Variants in PALS2 observed in about 807,000 individuals in gnomAD.
PALS2 encodes the protein protein associated with LIN7 2, MAGUK p55 family member, also known as protein PALS2.
A neutral mutation model predicts 61.6 loss-of-function variants in PALS2; 27 were observed. The ratio of observed to expected loss-of-function variants is 0.44; its 90% CI spans 0.32 to 0.60. The LOEUF is 0.60. PALS2 is among the 20% of genes least tolerant of loss of function. PALS2 has a pLI of 0.05. For synonymous variants in PALS2, 236 were observed against 218.6 expected (o/e 1.08, Z -0.70); for missense variants, 554 against 639.4 (o/e 0.87, Z 1.44).
intron 3 of PALS2, among the ~76,000 whole-genome samples, chr7:24,648,146 T>C (rs1023759819): frequency 4.6e-5 from 7 of 152,186 alleles, no homozygotes; most frequent in African/African-American, 1.4e-4. Context: ...TTACCAATTA[T>C]CCTGATTGCT....
At chr7:24,576,205 G>T (rs1478160486) in intron 1 of PALS2, among the ~76,000 whole-genome samples, 1 of 152,196 alleles carries the variant, frequency 6.6e-6, no homozygotes, top group African/African-American at 2.4e-5. Context: ...AAGCACAAGA[G>T]ATCTCTTTCC....
At chr7:24,685,920 T>A (rs936524517) in intron 11 of PALS2, among the ~76,000 whole-genome samples, 1 of 152,148 alleles carries the variant, frequency 6.6e-6, no homozygotes, top group African/African-American at 2.4e-5. Flanking sequence ...TGCTAATGAT[T>A]TATATACAGC....
At chr7:24,666,649 G>T (rs1188621210) in intron 8 of PALS2, among the ~76,000 whole-genome samples, 1 of 152,086 alleles carries the variant, frequency 6.6e-6, no homozygotes, top group Non-Finnish European at 1.5e-5. Context: ...GCTTGATCGA[G>T]GTAATCATTC....
chr7:24,613,303 T>C (rs892612515), intron 1 of PALS2, among the ~76,000 whole-genome samples: 9 of 151,758 alleles, frequency 5.9e-5, no homozygotes, highest in African/African-American at 2.2e-4. Context: ...TTTTACTTCT[T>C]TCTTTGATAA....
intron 2 of PALS2, among the ~76,000 whole-genome samples, chr7:24,640,635 C>T (rs1364149676): frequency 6.6e-6 from 1 of 152,154 alleles, no homozygotes; most frequent in Non-Finnish European, 1.5e-5. Context: ...GCAAGGAATG[C>T]TTAAAAGTTG....
chr7:24,650,738 T>G (rs372749754), intron 5 of PALS2, 26 bp downstream of exon 5: 2 of 1,380,084 alleles, frequency 1.4e-6, no homozygotes, highest in African/African-American at 2.9e-5. Context: ...TTTGGTAGTA[T>G]TAAAAATACT....
chr7:24,587,504 A>G lies in PALS2; in HGVS notation c.-3+13911A>G, dbSNP rs142588078. Among the ~76,000 whole-genome samples, 55 of 150,890 alleles carry G rather than the reference A, an allele frequency of 3.6e-4. 1 individual carries two copies. The highest frequency in any genetic ancestry group is 3.5e-3 in the Middle Eastern group (1 of 282). ...GTGATCCTCCCAAGTAGGTGAGACT[A>G]CAGGTCCACACCACTATGCCCAGCT... is the stretch of plus-strand genomic sequence containing the variant. On this transcript the variant is annotated intron_variant, in intron 1 of 11. Transcript: ENST00000222644.
At chr7:24,581,365 A>T (rs1221462037) in intron 1 of PALS2, among the ~76,000 whole-genome samples, 3 of 151,932 alleles carry the variant, frequency 2.0e-5, no homozygotes, top group Admixed American at 2.0e-4. Context: ...TAACCTCCCC[A>T]TCACAAGATC....
intron 1 of PALS2, among the ~76,000 whole-genome samples, chr7:24,587,368 A>G (rs1324844830): frequency 6.6e-6 from 1 of 151,906 alleles, no homozygotes; most frequent in Admixed American, 6.6e-5. Flanking sequence ...ATAGTAAGGA[A>G]TATGTTATTT....
At chr7:24,681,353 T>C (rs1239841594) in intron 11 of PALS2, among the ~76,000 whole-genome samples, 1 of 152,128 alleles carries the variant, frequency 6.6e-6, no homozygotes, top group Non-Finnish European at 1.5e-5. Flanking sequence ...CCCCACTTCC[T>C]CCTCACCTTG....
At chr7:24,682,046 G>A (rs1787963472) in intron 11 of PALS2, among the ~76,000 whole-genome samples, 1 of 152,060 alleles carries the variant, frequency 6.6e-6, no homozygotes, top group Admixed American at 6.5e-5. Flanking sequence ...AACTTTCTTT[G>A]GATGCCAGAC....
intron 2 of PALS2, among the ~76,000 whole-genome samples, chr7:24,640,952 G>C: frequency 7.0e-6 from 1 of 142,474 alleles, no homozygotes; most frequent in East Asian, 2.1e-4. Context: ...AGCTTGCAGT[G>C]AGCTGAGGTC....
At chr7:24,588,594 A>G (rs1437438746) in intron 1 of PALS2, among the ~76,000 whole-genome samples, 1 of 152,196 alleles carries the variant, frequency 6.6e-6, no homozygotes, top group Non-Finnish European at 1.5e-5. Context: ...TAGTATATAA[A>G]AAGTTTGAAC....
chr7:24,683,598 C>T (rs1421512307), intron 11 of PALS2, among the ~76,000 whole-genome samples: 2 of 151,276 alleles, frequency 1.3e-5, no homozygotes, highest in African/African-American at 4.9e-5. Flanking sequence ...CCAGGCTCAT[C>T]TTGTACATTT....
At chr7:24,623,331 C>T (rs1784602435) in intron 1 of PALS2, among the ~76,000 whole-genome samples, 1 of 149,746 alleles carries the variant, frequency 6.7e-6, no homozygotes, top group Non-Finnish European at 1.5e-5. Flanking sequence ...TAGACTTTTT[C>T]CTTCTTATAA....
chr7:24,582,540 G>T (rs962351497), intron 1 of PALS2, among the ~76,000 whole-genome samples: 1 of 151,014 alleles, frequency 6.6e-6, no homozygotes, highest in South Asian at 2.1e-4. Context: ...AAGAAACATT[G>T]ATTTTTTTTT....
At chr7:24,607,041 G>T (rs1209252916) in intron 1 of PALS2, among the ~76,000 whole-genome samples, 1 of 152,076 alleles carries the variant, frequency 6.6e-6, no homozygotes, top group Admixed American at 6.6e-5. Context: ...CTGTTGGTGC[G>T]CAAGAAATTT....
At chr7:24,585,881 G>A (rs1783047171) in intron 1 of PALS2, among the ~76,000 whole-genome samples, 1 of 151,990 alleles carries the variant, frequency 6.6e-6, no homozygotes, top group South Asian at 2.1e-4. Flanking sequence ...CTAAGAGTGT[G>A]CACCACTAAT....
Position 24,598,570 on chromosome 7 carries a change from A to G in PALS2, c.-3+24977A>G, listed in dbSNP as rs566006890. Among the ~76,000 whole-genome samples the G allele has an allele frequency of 6.5e-4, 99 of 152,342 alleles. 6 individuals are homozygous for G. In the South Asian group the frequency reaches 0.017, roughly 26 times the overall value. On this transcript the variant is annotated intron_variant, in intron 1 of 11. Transcript: ENST00000222644. Reference sequence around the variant, plus strand: ...CTTATAACCAGAAGTCTTTCATATAAGAAATGTGAGGTTAAAACTTAAAAT... The same window carrying G: ...CTTATAACCAGAAGTCTTTCATATAGGAAATGTGAGGTTAAAACTTAAAAT...
Sources: allele counts gnomAD v4.1 joint callset (sites outside exome capture counted in the v4.1 genomes callset), GRCh38; gene constraint gnomAD v4.1.1; transcripts MANE v1.5; gene names NCBI Gene and HGNC (gene_info 2026-07-23, HGNC 2026-07-21).